Variants in MEI4 observed in about 807,000 individuals in gnomAD.
MEI4 encodes the protein meiotic double-stranded break formation protein 4.
In MEI4, 27 loss-of-function variants were observed where a neutral mutation model predicts 31.4. That is an observed-to-expected ratio of 0.86 (90% confidence interval 0.63 to 1.19). The LOEUF (loss-of-function observed/expected upper bound fraction) is 1.19, where lower values mean the gene tolerates loss of function less well. Among genes scored for constraint, MEI4 ranks in the 50% most tolerant of loss-of-function variants. The probability of loss-of-function intolerance (pLI) is 0.00; values close to 1 mark genes in which losing one functional copy is unlikely to be tolerated. For synonymous variants in MEI4, 122 were observed against 145.4 expected, an observed-to-expected ratio of 0.84 and a Z score of 1.16; for missense variants, 329 against 398.9, an observed-to-expected ratio of 0.82 and a Z score of 1.49.
chr6:77,836,256 G>T (rs1770217184), intron 4 of MEI4, among the ~76,000 whole-genome samples: 1 of 151,980 alleles, frequency 6.6e-6, no homozygotes, highest in East Asian at 1.9e-4. Flanking sequence ...TATCTAATCA[G>T]CATGTTTCTG....
chr6:77,901,305 A>G (rs1766184138), intron 4 of MEI4, among the ~76,000 whole-genome samples: 1 of 151,936 alleles, frequency 6.6e-6, no homozygotes, highest in Admixed American at 6.6e-5. Context: ...GTTTTCTGTA[A>G]TGACTCACCA....
chr6:77,653,724 T>C (rs1768339124), intron 1 of MEI4, among the ~76,000 whole-genome samples: 1 of 152,194 alleles, frequency 6.6e-6, no homozygotes, highest in African/African-American at 2.4e-5. Flanking sequence ...TAACATCATC[T>C]AAAGAGAGTA....
chr6:77,652,593 C>G (rs994927486), upstream of MEI4, among the ~76,000 whole-genome samples: 2 of 152,094 alleles, frequency 1.3e-5, no homozygotes, highest in African/African-American at 4.8e-5. Context: ...GCAATTAGTG[C>G]ACTTTCTTAG....
chr6:77,865,002 A>G (rs976366439), intron 4 of MEI4, among the ~76,000 whole-genome samples: 30 of 152,370 alleles, frequency 2.0e-4, no homozygotes, highest in African/African-American at 7.2e-4. Flanking sequence ...AATGAAATGA[A>G]GGCAGAAGTA....
intron 3 of MEI4, among the ~76,000 whole-genome samples, chr6:77,776,567 AAGG>A (rs200010095): frequency 0.01 from 1,571 of 152,122 alleles, 28 homozygotes; most frequent in African/African-American, 0.036. Context: ...CTCTCTTGTG[AAGG>A]ATGTAAAACT....
At chr6:77,850,743 A>G (rs1425819927) in intron 4 of MEI4, among the ~76,000 whole-genome samples, 3 of 152,240 alleles carry the variant, frequency 2.0e-5, no homozygotes, top group African/African-American at 4.8e-5. Context: ...CTTCATGTCT[A>G]AAACACCAAA....
chr6:77,892,100 T>G (rs187895437), intron 4 of MEI4, among the ~76,000 whole-genome samples: 2 of 152,240 alleles, frequency 1.3e-5, no homozygotes, highest in Admixed American at 1.3e-4. Flanking sequence ...ATTGCTTGTG[T>G]GTTGTCAGTA....
At chr6:77,805,679 A>G (rs1406220426) in intron 3 of MEI4, among the ~76,000 whole-genome samples, 1 of 152,088 alleles carries the variant, frequency 6.6e-6, no homozygotes, top group African/African-American at 2.4e-5. Flanking sequence ...AAAAATCAGG[A>G]TTATTGCTTC....
chr6:77,668,958 T>C (rs1054324222), intron 1 of MEI4, among the ~76,000 whole-genome samples: 1 of 152,166 alleles, frequency 6.6e-6, no homozygotes, highest in African/African-American at 2.4e-5. Flanking sequence ...AATGTTACTT[T>C]TTCCAGAGTG....
chr6:77,710,993 G>T (rs1766451630), intron 2 of MEI4, among the ~76,000 whole-genome samples: 1 of 152,174 alleles, frequency 6.6e-6, no homozygotes, highest in Non-Finnish European at 1.5e-5. Context: ...CTATTAGAAA[G>T]AATGGAACCC....
In MEI4 at chr6:77,918,166, T is replaced by C. The variant is rs548687418; in HGVS notation, c.901-4923T>C. On this transcript the variant is annotated intron_variant, in intron 4 of 4. Transcript: ENST00000684080. ...ACCAGTACCATGCTGTTTTGGTTAC[T>C]GTAGCCTTGTAGTATAGTTTGAAGT... Among the ~76,000 whole-genome samples the C allele has an allele frequency of 6.9e-4, 104 of 151,798 alleles. 1 individual carries two copies. Among genetic ancestry groups the C allele is most frequent in the Non-Finnish European group, 1.8e-4 (12 of 67,834 alleles).
At chr6:77,651,535 T>A (rs537879793), upstream of MEI4, among the ~76,000 whole-genome samples, 2 of 152,334 alleles carry the variant, frequency 1.3e-5, no homozygotes, top group South Asian at 4.1e-4. Flanking sequence ...CACACATTGA[T>A]CACTTTTGGG....
chr6:77,715,504 A>G (rs1766558891), intron 2 of MEI4, among the ~76,000 whole-genome samples: 1 of 152,180 alleles, frequency 6.6e-6, no homozygotes, highest in South Asian at 2.1e-4. Context: ...TTTTAATCAT[A>G]TTTGACAGGG....
At position 77,882,518 on chromosome 6, in the gene MEI4, C is replaced by G. The variant is rs572328160; in HGVS notation, c.901-40571C>G. Among the ~76,000 whole-genome samples the G allele has an allele frequency of 2.0e-5, 3 of 152,232 alleles. No individual in the cohort carries two copies. In the South Asian group the frequency reaches 6.2e-4, roughly 32 times the overall value. On this transcript the variant is annotated intron_variant, in intron 4 of 4. Coordinates refer to ENST00000684080, the MANE Select transcript of MEI4 (RefSeq NM_001322247.2). The stretch of plus-strand genomic sequence containing the variant: ...TGGTTTTTTTCTATCTTACCCTTTG[C>G]TCTCAATTTTCACTTTTAGGAATGT...
At chr6:77,790,086 T>A (rs1165422263) in intron 3 of MEI4, among the ~76,000 whole-genome samples, 2 of 151,766 alleles carry the variant, frequency 1.3e-5, no homozygotes, top group African/African-American at 4.8e-5. Context: ...TAAAAAATGA[T>A]GAGTTCATGT....
chr6:77,744,970 C>A (rs7763263), intron 2 of MEI4, among the ~76,000 whole-genome samples: 8,647 of 152,174 alleles, frequency 0.057, 679 homozygotes, highest in African/African-American at 0.17. Flanking sequence ...CTGAAGGAAG[C>A]ACTAAACATG....
At chr6:77,675,152 C>T (rs1474641077) in intron 1 of MEI4, among the ~76,000 whole-genome samples, 2 of 151,864 alleles carry the variant, frequency 1.3e-5, no homozygotes. Context: ...ATGTCACTGT[C>T]TTTTTATGTT....
rs117972163 is a variant in MEI4 at position 77,900,722 on chromosome 6, G to A, written c.901-22367G>A. ...TTTATATATACATACTTACATTTTT[G>A]TGATAAGAACACTTAAAATATACTT... On this transcript the variant is annotated intron_variant, in intron 4 of 4. Transcript: ENST00000684080. Among the ~76,000 whole-genome samples, 60 of 151,924 alleles carry A rather than the reference G, an allele frequency of 3.9e-4. No individual in the cohort carries two copies. The East Asian group carries it at 8.5e-3, about 21-fold the overall frequency.
intron 3 of MEI4, among the ~76,000 whole-genome samples, chr6:77,793,627 T>C (rs1768998674): frequency 2.6e-5 from 4 of 152,134 alleles, no homozygotes; most frequent in African/African-American, 7.2e-5. Flanking sequence ...AAGTGTGATA[T>C]CAATAGCATG....
Sources: gnomAD v4.1 joint callset for allele counts (sites outside exome capture counted in the v4.1 genomes callset) on GRCh38, gnomAD v4.1.1 for gene constraint, MANE v1.5 for transcripts, NCBI Gene and HGNC (gene_info 2026-07-23, HGNC 2026-07-21) for gene names.